The following NCBP3 variants were observed in gnomAD, a reference collection of about 807,000 sequenced individuals.
NCBP3 encodes the protein nuclear cap-binding protein subunit 3.
A neutral mutation model predicts 75.7 loss-of-function variants in NCBP3; 20 were observed. That is an observed-to-expected ratio of 0.26 (90% confidence interval 0.19 to 0.38). The LOEUF is 0.38. Ranked by LOEUF, NCBP3 falls within the 10% of genes least tolerant of loss-of-function variation. The pLI, the probability that NCBP3 is intolerant of heterozygous loss-of-function variation, is 1.00. For missense variants in NCBP3, 678 were observed against 796.9 expected (o/e 0.85, Z 1.80); for synonymous variants, 293 against 290.5 (o/e 1.01, Z -0.09).
intron 1 of NCBP3, among the ~76,000 whole-genome samples, chr17:3,845,307 T>C (rs1325230903): frequency 1.3e-5 from 2 of 152,016 alleles, no homozygotes; most frequent in African/African-American, 4.8e-5. Flanking sequence ...TCATGTTAGG[T>C]GAGAAATTAA....
Position 3,834,150 on chromosome 17 carries a change from C to T in NCBP3, c.356-4782G>A, listed in dbSNP as rs200950771. 1.2e-4 allele frequency among the ~76,000 whole-genome samples: 19 copies of T among 152,268 alleles called. 2 individuals are homozygous for T. The East Asian group carries it at 3.7e-3, about 29-fold the overall frequency. On this transcript the variant is annotated intron_variant, in intron 3 of 12. Coordinates refer to ENST00000389005, the MANE Select transcript of NCBP3 (RefSeq NM_001114118.3). Reference sequence around the variant, plus strand: ...TTTAGGTGAGCACAACTGACCAAGGCACACATGTAGGAGAGAGACGGATTA... The same window carrying T: ...TTTAGGTGAGCACAACTGACCAAGGTACACATGTAGGAGAGAGACGGATTA...
chr17:3,843,651 A>T (rs1427198659), intron 1 of NCBP3, among the ~76,000 whole-genome samples: 1 of 152,054 alleles, frequency 6.6e-6, no homozygotes, highest in African/African-American at 2.4e-5. Context: ...GGTTCAAGCG[A>T]TTCTCCTGTC....
chr17:3,837,102 C>T (rs551304624), intron 3 of NCBP3, among the ~76,000 whole-genome samples: 1 of 150,628 alleles, frequency 6.6e-6, no homozygotes, highest in East Asian at 2.0e-4. Flanking sequence ...CAGCTGAGAT[C>T]GTGCCACTGC....
At chr17:3,822,902 G>GA (rs1370121192) in intron 7 of NCBP3, 2 of 152,186 alleles carry the variant, frequency 1.3e-5, no homozygotes, top group African/African-American at 4.8e-5. Context: ...AATGAGTCTG[G>GA]AAAAGCAAGA....
intron 9 of NCBP3, among the ~76,000 whole-genome samples, chr17:3,819,274 T>C (rs775833858): frequency 6.6e-6 from 1 of 152,132 alleles, no homozygotes; most frequent in East Asian, 1.9e-4. Flanking sequence ...GAGAAACATA[T>C]GGGCCCAGCG....
chr17:3,830,169 C>A lies in NCBP3; in HGVS notation c.356-801G>T, dbSNP rs1597406192. Among the ~76,000 whole-genome samples the A allele has an allele frequency of 2.6e-5, 4 of 152,276 alleles. No homozygotes were observed. The East Asian group carries it at 7.7e-4, about 29-fold the overall frequency. ...TGCAGAAAACGTGATTTTGCACGTG[C>A]CCTACGGACCTAGGAACTCCAGTCC... On this transcript the variant is annotated intron_variant, in intron 3 of 12. Coordinates refer to ENST00000389005, the MANE Select transcript of NCBP3 (RefSeq NM_001114118.3).
At chr17:3,813,331 G>GTAGCA (rs1567578857) in intron 12 of NCBP3, 52 bp from the exon 13 acceptor site, 1 of 1,600,156 alleles carries the variant, frequency 6.2e-7, no homozygotes, top group South Asian at 1.1e-5. Context: ...AAGAACCAGG[G>GTAGCA]TAGCACTGAG....
At chr17:3,829,000 C>T (rs1428355180) in intron 4 of NCBP3, among the ~76,000 whole-genome samples, 1 of 151,890 alleles carries the variant, frequency 6.6e-6, no homozygotes, top group African/African-American at 2.4e-5. Flanking sequence ...AGGCCAGTAA[C>T]CCACCTCCTA....
At chr17:3,834,156 T>C (rs2053935205) in intron 3 of NCBP3, among the ~76,000 whole-genome samples, 1 of 152,060 alleles carries the variant, frequency 6.6e-6, no homozygotes, top group African/African-American at 2.4e-5. Flanking sequence ...AAGGCACACA[T>C]GTAGGAGAGA....
chr17:3,824,715 A>T (rs2053752393), intron 7 of NCBP3: 1 of 283,206 alleles, frequency 3.5e-6, no homozygotes, highest in Admixed American at 5.2e-5. Flanking sequence ...TCAACAGAAA[A>T]TAACTTTAGC....
chr17:3,826,124 A>G lies in NCBP3; in HGVS notation c.573T>C (p.Asp191=). The change falls in exon 5 of 13, where the codon GAT becomes GAC. Residue 191 remains aspartate (D), a synonymous_variant. Transcript: ENST00000389005. ...LPAQDKIRSR[D]ASEDKSAEKR... ...TCTCAGCTGACTTGTCCTCACTGGCATCCCTGCTTCTGATCTTATCCTGTG... is the reference window on the plus strand; with the variant it reads ...TCTCAGCTGACTTGTCCTCACTGGCGTCCCTGCTTCTGATCTTATCCTGTG... 1 of 1,551,596 alleles carries G rather than the reference A, an allele frequency of 6.4e-7. No homozygotes were observed. The highest frequency in any genetic ancestry group is 2.4e-5 in the East Asian group (1 of 40,906).
chr17:3,846,161 C>G lies in NCBP3; in HGVS notation c.63G>C (p.Leu21=), dbSNP rs1280834628. ...VKAEAPAGPA[L]GLPSPEAESG... ...ACTCCGCCTCAGGGGACGGGAGCCC[C>G]AGGGCCGGCCCCGCCGGGGCCTCCG... The change falls in exon 1 of 13, where the codon CTG becomes CTC. Residue 21 remains leucine (L), a synonymous_variant. Transcript: ENST00000389005. The surrounding 1 kb of genome is among the most constrained non-coding windows in gnomAD (Gnocchi z 4.6). 6.5e-7 allele frequency: 1 copy of G among 1,531,118 alleles called. No individual in the cohort carries two copies. Among genetic ancestry groups the G allele is most frequent in the Non-Finnish European group, 8.8e-7 (1 of 1,138,900 alleles). 94.8% of individuals were successfully genotyped at this position (1,531,118 alleles called of 1,614,324 possible).
intron 1 of NCBP3, among the ~76,000 whole-genome samples, chr17:3,844,577 G>A (rs372939655): frequency 5.8e-4 from 89 of 152,318 alleles, no homozygotes; most frequent in Non-Finnish European, 7.3e-5. Context: ...TTGGCCGGAC[G>A]CAATGGCTCA....
chr17:3,819,934 TG>T (rs2053630984), intron 9 of NCBP3, among the ~76,000 whole-genome samples: 3 of 152,150 alleles, frequency 2.0e-5, no homozygotes, highest in African/African-American at 7.2e-5. Flanking sequence ...AGTGTAACTG[TG>T]TAACAGTAAA....
chr17:3,818,723 A>T lies in NCBP3; in HGVS notation c.1001-151T>A. 5.0e-6 allele frequency: 4 copies of T among 807,712 alleles called. No homozygotes were observed. The highest frequency in any genetic ancestry group is 7.8e-6 in the Non-Finnish European group (4 of 515,576). The allele number at this position is 807,712 out of a possible 1,614,324, so 50.0% of individuals were successfully genotyped here. A position where few individuals can be genotyped will look rare whatever the true frequency, so the allele number is the denominator to read the frequency against. On this transcript the variant is annotated intron_variant, in intron 9 of 12. Coordinates refer to ENST00000389005, the MANE Select transcript of NCBP3 (RefSeq NM_001114118.3). The surrounding 1 kb of genome is among the most constrained non-coding windows in gnomAD (Gnocchi z 4.7). ...TCTATAATAGTGCCAAATGGACATT[A>T]CTCTGATACTGCAACAGGAGGATGG...
At chr17:3,814,518 T>C (rs1028304102) in intron 11 of NCBP3, 35 bp from the exon 12 acceptor site, 19 of 1,610,386 alleles carry the variant, frequency 1.2e-5, no homozygotes, top group Non-Finnish European at 1.6e-5. Context: ...AGTGACCGTG[T>C]GTGTGCTTTA....
Position 3,829,307 on chromosome 17 carries a change from T to G in NCBP3, c.417A>C (p.Gln139His), listed in dbSNP as rs1317699258. ...ATTCTTTAAAATAGGAAAAGACATC[T>G]TGGGTGCTCATCTCATCTACTCCGC... ...YICGVDEMST[Q>H]DVFSYFKEYP... is the part of the protein sequence containing the mutation. Residue 139 changes from glutamine (Q) to histidine (H), a missense_variant, in exon 4 of 13, where the codon CAA (glutamine) becomes CAC (histidine). Around this residue, in one of 7 missense-constraint regions of NCBP3, gnomAD observed 15 missense variants for 45.5 expected, o/e 0.33. Transcript: ENST00000389005. The G allele has an allele frequency of 5.2e-6, 8 of 1,551,764 alleles. No homozygotes were observed. The highest frequency in any genetic ancestry group is 7.0e-6 in the Non-Finnish European group (8 of 1,146,970).
Position 3,813,281 on chromosome 17 carries a change from T to A in NCBP3, c.1628-2A>T. 1 of 1,613,724 alleles carries A rather than the reference T, an allele frequency of 6.2e-7. No individual in the cohort carries two copies. The highest frequency in any genetic ancestry group is 8.5e-7 in the Non-Finnish European group (1 of 1,179,956). On this transcript the variant is annotated splice_acceptor_variant, in intron 12 of 12. Transcript: ENST00000389005. LOFTEE classifies it high-confidence loss of function. Reference sequence around the variant, plus strand: ...ATCCTAGGCGAGTCCATAAATTACCTGTTTGGATGAGATGGCATTTCACTT... The same window carrying A: ...ATCCTAGGCGAGTCCATAAATTACCAGTTTGGATGAGATGGCATTTCACTT...
Position 3,818,573 on chromosome 17 carries a change from CTGAAGAAA to C in NCBP3, c.1001-9_1001-2del. The C allele has an allele frequency of 6.3e-7, 1 of 1,593,200 alleles. No individual in the cohort carries two copies. Among genetic ancestry groups the C allele is most frequent in the Non-Finnish European group, 8.5e-7 (1 of 1,173,594 alleles). On this transcript the variant is annotated splice_acceptor_variant and splice_polypyrimidine_tract_variant and intron_variant, in intron 9 of 12. Transcript: ENST00000389005. LOFTEE classifies it high-confidence loss of function. This position sits in a 1 kb window ranked among gnomAD's most constrained non-coding sequence, Gnocchi z 4.7. ...GGTTCCTCGGGAACATTCACTAGCC[CTGAAGAAA>C]TTTAACCAGAAAACATTAGGAAAAG...
Sources: gnomAD v4.1 joint callset for allele counts (sites outside exome capture counted in the v4.1 genomes callset) on GRCh38, gnomAD v4.1.1 for gene constraint, gnomAD v4.1.1 regional missense constraint, Gnocchi (gnomAD v3.1) non-coding constraint, MANE v1.5 for transcripts, NCBI Gene and HGNC (gene_info 2026-07-23, HGNC 2026-07-21) for gene names.